Variants in PICALM observed in about 807,000 individuals in gnomAD.
The protein encoded by PICALM is phosphatidylinositol binding clathrin assembly protein, also known as phosphatidylinositol-binding clathrin assembly protein.
PICALM carries 40 observed loss-of-function variants against 80.5 expected under a neutral mutation model. The observed-to-expected ratio is 0.50, with a 90% CI of 0.39 to 0.65. The LOEUF (loss-of-function observed/expected upper bound fraction) is 0.65. Ranked by LOEUF, PICALM falls within the 30% of genes least tolerant of loss-of-function variation. The pLI, the probability that PICALM is intolerant of heterozygous loss-of-function variation, is 0.00. For missense variants in PICALM, 676 were observed against 778.9 expected (o/e 0.87, Z 1.57); for synonymous variants, 288 against 260.3 (o/e 1.11, Z -1.02).
chr11:85,971,349 T>C (rs1033181014), intron 19 of PICALM, among the ~76,000 whole-genome samples: 1 of 152,222 alleles, frequency 6.6e-6, no homozygotes, highest in African/African-American at 2.4e-5. Flanking sequence ...CCCTGTTTTT[T>C]TTCATGCACA....
At chr11:85,995,692 C>A (rs1162904724) in intron 12 of PICALM, among the ~76,000 whole-genome samples, 1 of 152,114 alleles carries the variant, frequency 6.6e-6, no homozygotes, top group Admixed American at 6.5e-5. Context: ...CTTAAATGGT[C>A]ATGTTAATTC....
chr11:86,035,726 T>C (rs1393594119), intron 1 of PICALM, among the ~76,000 whole-genome samples: 2 of 151,630 alleles, frequency 1.3e-5, no homozygotes, highest in Non-Finnish European at 2.9e-5. Context: ...GCGGACTACC[T>C]GAGGTCAGGA....
rs143990921 is a variant in PICALM, at chr11:85,990,844, G to A, written c.1259-445C>T. Among the ~76,000 whole-genome samples the A allele has an allele frequency of 3.1e-3, 471 of 152,230 alleles. 4 individuals carry two copies. The highest frequency in any genetic ancestry group is 0.011 in the South Asian group (51 of 4,824). On this transcript the variant is annotated intron_variant, in intron 12 of 19. Transcript: ENST00000393346. ...GAGGGTAATGACAAATTAGGGCTAA[G>A]AAGCTGTTTTTGGCATGTGCAGATA...
At chr11:85,978,218 C>T in intron 17 of PICALM, 1 of 755,310 alleles carries the variant, frequency 1.3e-6, no homozygotes, top group East Asian at 2.5e-5. Flanking sequence ...ACCTAAAATC[C>T]CTTGTATTTC....
chr11:86,044,428 T>A (rs546543328), intron 1 of PICALM, among the ~76,000 whole-genome samples: 66 of 152,296 alleles, frequency 4.3e-4, no homozygotes, highest in Non-Finnish European at 8.8e-4. Flanking sequence ...CAAAGACACA[T>A]CAAACGGGAT....
chr11:86,069,648 G>C (rs1052165028), upstream of PICALM: 1 of 152,232 alleles, frequency 6.6e-6, no homozygotes, highest in Non-Finnish European at 1.5e-5. Flanking sequence ...GGTTCCAAAC[G>C]GCCTATTTTC....
intron 2 of PICALM, among the ~76,000 whole-genome samples, chr11:86,028,508 A>G (rs1490667174): frequency 2.0e-5 from 3 of 152,204 alleles, no homozygotes; most frequent in African/African-American, 7.2e-5. Flanking sequence ...TTCATCTACA[A>G]ATTTTTAACT....
intron 1 of PICALM, among the ~76,000 whole-genome samples, chr11:86,063,117 T>C (rs2137760500): frequency 6.6e-6 from 1 of 152,352 alleles, no homozygotes; most frequent in African/African-American, 2.4e-5. Context: ...TTAACTATTC[T>C]AAATGATTAT....
At chr11:86,028,186 A>C (rs906078079) in intron 2 of PICALM, among the ~76,000 whole-genome samples, 6 of 152,194 alleles carry the variant, frequency 3.9e-5, no homozygotes, top group Non-Finnish European at 8.8e-5. Flanking sequence ...ACAGCATCCT[A>C]ATGATATTCA....
intron 14 of PICALM, 34 bp from the exon 15 acceptor site, chr11:85,982,037 A>G (rs1308245368): frequency 6.2e-7 from 1 of 1,604,008 alleles, no homozygotes. Context: ...TAGAATTTGT[A>G]AGGAACTTTA....
chr11:85,984,710 T>C (rs2094529246), intron 13 of PICALM, among the ~76,000 whole-genome samples: 1 of 152,200 alleles, frequency 6.6e-6, no homozygotes, highest in Non-Finnish European at 1.5e-5. Context: ...GACCTTATTC[T>C]TTCTTGCCTG....
At chr11:85,982,568 C>G (rs1283110222) in intron 14 of PICALM, among the ~76,000 whole-genome samples, 2 of 147,318 alleles carry the variant, frequency 1.4e-5, no homozygotes, top group Non-Finnish European at 3.0e-5. Flanking sequence ...GCTGGGACTA[C>G]AGGCGCCCGC....
chr11:86,049,088 T>C (rs2096130197), intron 1 of PICALM, among the ~76,000 whole-genome samples: 1 of 151,850 alleles, frequency 6.6e-6, no homozygotes, highest in Non-Finnish European at 1.5e-5. Context: ...AGGCTAGGAG[T>C]TCCAGACCAG....
intron 6 of PICALM, among the ~76,000 whole-genome samples, chr11:86,011,354 T>A (rs530032446): frequency 6.6e-6 from 1 of 152,336 alleles, no homozygotes; most frequent in Admixed American, 6.5e-5. Context: ...CTACTCATAT[T>A]CCTAGTTTGT....
intron 1 of PICALM, among the ~76,000 whole-genome samples, chr11:86,052,153 T>C (rs1431115696): frequency 6.6e-6 from 1 of 152,198 alleles, no homozygotes; most frequent in Non-Finnish European, 1.5e-5. Context: ...AGCGACAGTT[T>C]CTCCCATGCT....
At chr11:86,020,061 A>G (rs939187073) in intron 4 of PICALM, among the ~76,000 whole-genome samples, 7 of 152,164 alleles carry the variant, frequency 4.6e-5, no homozygotes, top group Non-Finnish European at 8.8e-5. Flanking sequence ...AAATCTGCAT[A>G]TCAGGTGTTA....
In PICALM at chr11:85,958,932, G is replaced by A. The variant is rs942552219; in HGVS notation, c.*114C>T. 1.4e-6 allele frequency: 1 copy of A among 696,980 alleles called. No homozygotes were observed. Among genetic ancestry groups the A allele is most frequent in the Non-Finnish European group, 2.5e-6 (1 of 408,036 alleles). The allele number at this position is 696,980 out of a possible 1,614,324, so 43.2% of individuals were successfully genotyped here. On this transcript the variant is annotated 3_prime_UTR_variant, in exon 20 of 20. Coordinates refer to ENST00000393346, the MANE Select transcript of PICALM (RefSeq NM_007166.4). Reference sequence around the variant, plus strand: ...ACTGAGTTACTTGTAGCATTCTAATGGAAGAAGAGAGTTTAAGAGATTTAA... The same window carrying A: ...ACTGAGTTACTTGTAGCATTCTAATAGAAGAAGAGAGTTTAAGAGATTTAA...
At chr11:86,042,419 GAAAAC>G (rs1246377656) in intron 1 of PICALM, among the ~76,000 whole-genome samples, 1 of 151,718 alleles carries the variant, frequency 6.6e-6, no homozygotes, top group African/African-American at 2.4e-5. Context: ...TAAACAATAA[GAAAAC>G]AAACTGAAAG....
chr11:86,018,195 A>C (rs1287729462), intron 4 of PICALM, among the ~76,000 whole-genome samples: 2 of 152,172 alleles, frequency 1.3e-5, no homozygotes, highest in Admixed American at 6.5e-5. Context: ...AGAGTGAAAA[A>C]CCCAATAGAG....
Sources: gnomAD v4.1 joint callset for allele counts (sites outside exome capture counted in the v4.1 genomes callset) on GRCh38, gnomAD v4.1.1 for gene constraint, MANE v1.5 for transcripts, NCBI Gene and HGNC (gene_info 2026-07-23, HGNC 2026-07-21) for gene names.